MMP26: variants seen among roughly 807,000 people sequenced by gnomAD.
MMP26 encodes the protein matrix metalloproteinase-26.
In MMP26, 33 loss-of-function variants were observed where a neutral mutation model predicts 31.0. That is an observed-to-expected ratio of 1.06 (90% confidence interval 0.81 to 1.42). MMP26 has a LOEUF of 1.42. Among genes scored for constraint, MMP26 ranks in the 40% most tolerant of loss-of-function variants. The pLI is 0.00. For synonymous variants in MMP26, 122 were observed against 114.9 expected, an observed-to-expected ratio of 1.06 and a Z score of -0.40; for missense variants, 347 against 316.1, an observed-to-expected ratio of 1.10 and a Z score of -0.74.
At chr11:4,960,559 TC>T in intron 2 of MMP26, among the ~76,000 whole-genome samples, 1 of 145,856 alleles carries the variant, frequency 6.9e-6, no homozygotes, top group East Asian at 2.1e-4. Flanking sequence ...CCATAAAACT[TC>T]CTTTTTCCAT....
Position 4,897,750 on chromosome 11 carries a change from T to C in MMP26, c.-144-90318T>C, listed in dbSNP as rs372234230. Reference sequence around the variant, plus strand: ...TCTACCATAAACAAATATTATATTGTACCATATGTAATGCAGAAGCTTTTA... The same window carrying C: ...TCTACCATAAACAAATATTATATTGCACCATATGTAATGCAGAAGCTTTTA... On this transcript the variant is annotated intron_variant, in intron 2 of 7. Transcript: ENST00000380390. Among the ~76,000 whole-genome samples, 7 of 151,814 alleles carry C rather than the reference T, an allele frequency of 4.6e-5. No individual in the cohort carries two copies. The East Asian group carries it at 1.4e-3, about 29-fold the overall frequency.
intron 2 of MMP26, among the ~76,000 whole-genome samples, chr11:4,904,688 A>G (rs1332120581): frequency 6.6e-6 from 1 of 152,136 alleles, no homozygotes; most frequent in African/African-American, 2.4e-5. Flanking sequence ...TGCTCTGTGT[A>G]AGAATGACTT....
At chr11:4,832,849 A>G (rs553099496) in intron 2 of MMP26, 1 of 186,682 alleles carries the variant, frequency 5.4e-6, no homozygotes, top group African/African-American at 2.3e-5. Context: ...GAAGCTCTTG[A>G]CACCTGTGTG....
At chr11:4,712,330 G>A (rs996293251) in intron 1 of MMP26, 1 of 152,068 alleles carries the variant, frequency 6.6e-6, no homozygotes, top group African/African-American at 2.4e-5. Context: ...TACAAACTGT[G>A]TACAAAACAT....
chr11:4,895,350 T>G (rs2133552994), intron 2 of MMP26, among the ~76,000 whole-genome samples: 1 of 152,340 alleles, frequency 6.6e-6, no homozygotes, highest in East Asian at 1.9e-4. Flanking sequence ...CTGCTCTTTC[T>G]TCCAAATCTG....
chr11:4,768,885 AAACCCAC>A (rs1848666213), intron 2 of MMP26: 1 of 671,944 alleles, frequency 1.5e-6, no homozygotes. Context: ...AATATTTTAA[AAACCCAC>A]ATGCAATAGG....
chr11:4,886,946 CTTAA>C (rs1332253839), intron 2 of MMP26, among the ~76,000 whole-genome samples: 2 of 151,764 alleles, frequency 1.3e-5, no homozygotes, highest in African/African-American at 4.8e-5. Flanking sequence ...TATCTTTGTA[CTTAA>C]TTCTTAATTT....
chr11:4,800,064 A>C (rs1849160996), intron 2 of MMP26, among the ~76,000 whole-genome samples: 1 of 152,014 alleles, frequency 6.6e-6, no homozygotes, highest in Non-Finnish European at 1.5e-5. Context: ...TGGCTCTACT[A>C]TTCTGGGATC....
chr11:4,755,955 A>G (rs1425694725), intron 1 of MMP26, among the ~76,000 whole-genome samples: 1 of 152,138 alleles, frequency 6.6e-6, no homozygotes, highest in Non-Finnish European at 1.5e-5. Flanking sequence ...AAATGTAATA[A>G]TGTCTGTAAA....
intron 2 of MMP26, among the ~76,000 whole-genome samples, chr11:4,893,829 C>A (rs1440206347): frequency 6.6e-6 from 1 of 151,820 alleles, no homozygotes; most frequent in Non-Finnish European, 1.5e-5. Context: ...TGGCTCACAC[C>A]TGTAAGCCAT....
At chr11:4,851,172 G>A (rs567919494) in intron 2 of MMP26, among the ~76,000 whole-genome samples, 37 of 152,294 alleles carry the variant, frequency 2.4e-4, no homozygotes, top group African/African-American at 8.7e-4. Flanking sequence ...GAAAATAACA[G>A]CCAGTTGCCT....
At chr11:4,897,661 T>C (rs1293083345) in intron 2 of MMP26, among the ~76,000 whole-genome samples, 9 of 151,998 alleles carry the variant, frequency 5.9e-5, no homozygotes, top group African/African-American at 1.9e-4. Context: ...CTATACTTGT[T>C]TGTATTTTTT....
In MMP26 at chr11:4,992,210, A is replaced by G. The variant is rs186604891; in HGVS notation, c.758-4A>G. ...ACTGTTGTTTTTTTTTTCTGTTTCC[A>G]TAGGAGAAAAATGTTCATCTGACAT... On this transcript the variant is annotated splice_polypyrimidine_tract_variant and splice_region_variant and intron_variant, in intron 7 of 7. Transcript: ENST00000380390. The G allele has an allele frequency of 1.2e-6, 2 of 1,607,980 alleles. No individual in the cohort carries two copies. The highest frequency in any genetic ancestry group is 2.7e-5 in the African/African-American group (2 of 74,474).
intron 2 of MMP26, chr11:4,924,241 G>C (rs748595498): frequency 6.2e-7 from 1 of 1,614,212 alleles, no homozygotes; most frequent in South Asian, 1.1e-5. Context: ...AGATGAAGCA[G>C]AAGGGAATAG....
intron 2 of MMP26, among the ~76,000 whole-genome samples, chr11:4,906,405 A>T (rs1488603071): frequency 6.6e-6 from 1 of 152,236 alleles, no homozygotes; most frequent in Non-Finnish European, 1.5e-5. Flanking sequence ...AAATAAGTTA[A>T]ATAATTTAAA....
intron 1 of MMP26, among the ~76,000 whole-genome samples, chr11:4,725,309 G>T (rs1564895353): frequency 6.6e-6 from 1 of 152,176 alleles, no homozygotes; most frequent in Non-Finnish European, 1.5e-5. Flanking sequence ...AGTGAAATTT[G>T]AGACTGTTTT....
chr11:4,915,001 G>A lies in MMP26; in HGVS notation c.-144-73067G>A, dbSNP rs199518507. The A allele has an allele frequency of 9.9e-6, 16 of 1,614,130 alleles. No individual in the cohort carries two copies. The Admixed American group carries it at 2.2e-4, about 22-fold the overall frequency. ...CGGTGCGCAGGATCAGAGCATAAGAGAAGAGGATGAGCAGTGAGTCTATAC... is the reference window on the plus strand; with the variant it reads ...CGGTGCGCAGGATCAGAGCATAAGAAAAGAGGATGAGCAGTGAGTCTATAC... On this transcript the variant is annotated intron_variant, in intron 2 of 7. Transcript: ENST00000380390.
chr11:4,808,233 T>A (rs1849304071), intron 2 of MMP26, among the ~76,000 whole-genome samples: 1 of 151,992 alleles, frequency 6.6e-6, no homozygotes, highest in Admixed American at 6.6e-5. Flanking sequence ...GTGCATGACT[T>A]TGCAGCCAGT....
At chr11:4,764,093 T>C (rs1848599582) in intron 1 of MMP26, among the ~76,000 whole-genome samples, 1 of 152,214 alleles carries the variant, frequency 6.6e-6, no homozygotes. Context: ...TCTCATTCTG[T>C]CTCTGTTGAC....
Sources: gnomAD v4.1 joint callset for allele counts (sites outside exome capture counted in the v4.1 genomes callset) on GRCh38, gnomAD v4.1.1 for gene constraint, MANE v1.5 for transcripts, NCBI Gene and HGNC (gene_info 2026-07-23, HGNC 2026-07-21) for gene names.